SHISA6: variants seen among roughly 807,000 people sequenced by gnomAD.
The protein encoded by SHISA6 is protein shisa-6.
SHISA6 carries 22 observed loss-of-function variants against 47.9 expected under a neutral mutation model. The observed-to-expected ratio is 0.46, with a 90% confidence interval of 0.33 to 0.66. SHISA6 has a LOEUF of 0.66. SHISA6 is among the 30% of genes least tolerant of loss of function. SHISA6 has a pLI of 0.02. For synonymous variants in SHISA6, 388 were observed against 337.8 expected (o/e 1.15, Z -1.63); for missense variants, 680 against 764.6 (o/e 0.89, Z 1.30).
chr17:11,246,975 C>A (rs933569622), intron 1 of SHISA6, among the ~76,000 whole-genome samples: 1 of 152,196 alleles, frequency 6.6e-6, no homozygotes, highest in Admixed American at 6.5e-5. Context: ...AGAAGGCCTT[C>A]ACACCCATCC....
At chr17:11,268,349 A>G (rs1908507712) in intron 2 of SHISA6, among the ~76,000 whole-genome samples, 1 of 152,170 alleles carries the variant, frequency 6.6e-6, no homozygotes, top group African/African-American at 2.4e-5. Flanking sequence ...ACTCTGCCAC[A>G]GTCCTGCATG....
At chr17:11,298,357 G>T (rs1237546140) in intron 2 of SHISA6, among the ~76,000 whole-genome samples, 1 of 152,206 alleles carries the variant, frequency 6.6e-6, no homozygotes, top group African/African-American at 2.4e-5. Context: ...ATTTGTGCTC[G>T]TGAGTTTAAT....
intron 3 of SHISA6, among the ~76,000 whole-genome samples, chr17:11,397,678 T>G (rs1913621241): frequency 6.6e-6 from 1 of 152,080 alleles, no homozygotes; most frequent in African/African-American, 2.4e-5. Context: ...ATGTTACTTT[T>G]TTTTTTTTTG....
chr17:11,401,246 AGT>A (rs1272549925), intron 3 of SHISA6, among the ~76,000 whole-genome samples: 1 of 152,148 alleles, frequency 6.6e-6, no homozygotes, highest in African/African-American at 2.4e-5. Context: ...CCCAGGTTGG[AGT>A]GCAGCAGTGC....
chr17:11,440,469 A>G (rs1406282374), intron 3 of SHISA6, among the ~76,000 whole-genome samples: 1 of 151,786 alleles, frequency 6.6e-6, no homozygotes, highest in Admixed American at 6.6e-5. Flanking sequence ...CCGGGAGTGA[A>G]TGAAGAACCA....
intron 2 of SHISA6, among the ~76,000 whole-genome samples, chr17:11,376,354 G>A (rs1401499187): frequency 2.1e-5 from 3 of 143,864 alleles, no homozygotes; most frequent in Non-Finnish European, 4.5e-5. Flanking sequence ...GTCTCGCTCT[G>A]TTGCCCGGCC....
intron 2 of SHISA6, among the ~76,000 whole-genome samples, chr17:11,265,705 G>A (rs1419017416): frequency 6.6e-6 from 1 of 152,174 alleles, no homozygotes; most frequent in Non-Finnish European, 1.5e-5. Context: ...ACCCCTGGTT[G>A]TTTATCTTCC....
intron 2 of SHISA6, among the ~76,000 whole-genome samples, chr17:11,287,076 A>G (rs1909326357): frequency 6.6e-6 from 1 of 152,192 alleles, no homozygotes. Flanking sequence ...TTTTCACTTT[A>G]GAAACATGTG....
chr17:11,339,174 A>G (rs1163305260), intron 2 of SHISA6, among the ~76,000 whole-genome samples: 1 of 151,986 alleles, frequency 6.6e-6, no homozygotes, highest in Non-Finnish European at 1.5e-5. Flanking sequence ...TTAAAAAAAA[A>G]AAAAAAGAAA....
chr17:11,401,502 T>G (rs1390790412), intron 3 of SHISA6, among the ~76,000 whole-genome samples: 1 of 152,198 alleles, frequency 6.6e-6, no homozygotes, highest in East Asian at 1.9e-4. Flanking sequence ...CTCAGACATG[T>G]ATATATTTAA....
intron 2 of SHISA6, among the ~76,000 whole-genome samples, chr17:11,343,281 G>A (rs1382672240): frequency 6.6e-6 from 1 of 152,162 alleles, no homozygotes; most frequent in African/African-American, 2.4e-5. Flanking sequence ...CTCTTTTAGA[G>A]GAGAGAAACT....
At chr17:11,454,125 C>G (rs944608673) in intron 3 of SHISA6, among the ~76,000 whole-genome samples, 1 of 152,146 alleles carries the variant, frequency 6.6e-6, no homozygotes, top group African/African-American at 2.4e-5. Context: ...CTCATTCATT[C>G]GATTTTTAAA....
intron 3 of SHISA6, among the ~76,000 whole-genome samples, chr17:11,504,439 G>A (rs1393130437): frequency 6.6e-6 from 1 of 152,166 alleles, no homozygotes; most frequent in East Asian, 1.9e-4. Flanking sequence ...GATCGTAGGA[G>A]CCCAGGGAAC....
chr17:11,325,447 A>G (rs919049695), intron 2 of SHISA6, among the ~76,000 whole-genome samples: 1 of 152,224 alleles, frequency 6.6e-6, no homozygotes, highest in African/African-American at 2.4e-5. Context: ...GTCCAGCTCC[A>G]TCTGGAATTC....
chr17:11,329,130 A>G (rs2142202935), intron 2 of SHISA6, among the ~76,000 whole-genome samples: 1 of 152,294 alleles, frequency 6.6e-6, no homozygotes, highest in South Asian at 2.1e-4. Context: ...TCAAAGAGGG[A>G]ATAAAGAAAA....
chr17:11,285,303 A>G (rs1021705276), intron 2 of SHISA6, among the ~76,000 whole-genome samples: 1 of 152,102 alleles, frequency 6.6e-6, no homozygotes, highest in Non-Finnish European at 1.5e-5. Flanking sequence ...TCATTCTGAG[A>G]CTTGGAGGTG....
At chr17:11,349,731 G>A (rs1465661132) in intron 2 of SHISA6, among the ~76,000 whole-genome samples, 1 of 152,168 alleles carries the variant, frequency 6.6e-6, no homozygotes, top group Non-Finnish European at 1.5e-5. Flanking sequence ...TATCTGCTAA[G>A]TCAGATAACT....
chr17:11,285,107 A>G (rs1909250687), intron 2 of SHISA6, among the ~76,000 whole-genome samples: 2 of 152,352 alleles, frequency 1.3e-5, no homozygotes, highest in South Asian at 2.1e-4. Context: ...CCAAGGTTTA[A>G]TTGATATATG....
At chr17:11,461,074 T>C (rs563601687) in intron 3 of SHISA6, among the ~76,000 whole-genome samples, 6 of 152,268 alleles carry the variant, frequency 3.9e-5, no homozygotes, top group East Asian at 1.9e-4. Flanking sequence ...CTGTTAAAAA[T>C]AAAAGTATTT....
Sources: gnomAD v4.1 joint callset for allele counts (sites outside exome capture counted in the v4.1 genomes callset) on GRCh38, gnomAD v4.1.1 for gene constraint, MANE v1.5 for transcripts, NCBI Gene and HGNC (gene_info 2026-07-23, HGNC 2026-07-21) for gene names.